The following CCSER1 variants were observed in gnomAD, a reference collection of about 807,000 sequenced individuals.
The protein encoded by CCSER1 is coiled-coil serine rich protein 1, also known as serine-rich coiled-coil domain-containing protein 1.
Under a neutral mutation model 82.0 loss-of-function variants are expected in CCSER1, and 41 were observed. That is an observed-to-expected ratio of 0.50 (90% CI 0.39 to 0.65). CCSER1 has a LOEUF of 0.65. Among genes scored for constraint, CCSER1 ranks in the 30% least tolerant of loss-of-function variants. CCSER1 has a pLI of 0.00. For synonymous variants in CCSER1, 414 were observed against 383.9 expected, an observed-to-expected ratio of 1.08 and a Z score of -0.92; for missense variants, 1,119 against 1,064.2, an observed-to-expected ratio of 1.05 and a Z score of -0.72.
At chr4:91,248,592 TCAAAA>T (rs956382056) in intron 10 of CCSER1, among the ~76,000 whole-genome samples, 3 of 152,060 alleles carry the variant, frequency 2.0e-5, no homozygotes, top group Non-Finnish European at 1.5e-5. Flanking sequence ...ACAGTACCCC[TCAAAA>T]CTATCAAAGT....
At chr4:91,583,672 CCTT>C (rs370037545) in intron 10 of CCSER1, among the ~76,000 whole-genome samples, 34 of 151,474 alleles carry the variant, frequency 2.2e-4, no homozygotes, top group African/African-American at 7.0e-4. Context: ...TGATGTCTTG[CCTT>C]CTTCTTGTGC....
rs559932429 is a variant in CCSER1 at position 91,224,316 on chromosome 4, A to C, written c.2217+138322A>C. 1.2e-4 allele frequency among the ~76,000 whole-genome samples: 18 copies of C among 152,236 alleles called. No individual in the cohort carries two copies. The East Asian group carries it at 3.5e-3, about 29-fold the overall frequency. Reference sequence around the variant, plus strand: ...GCACTTTAACAAGAAGAAAGAAAACAAAATTGTAAGTAAACTGTGGGAGGC... The same window carrying C: ...GCACTTTAACAAGAAGAAAGAAAACCAAATTGTAAGTAAACTGTGGGAGGC... On this transcript the variant is annotated intron_variant, in intron 10 of 10. Transcript: ENST00000509176.
intron 10 of CCSER1, among the ~76,000 whole-genome samples, chr4:91,407,761 C>T (rs1752787548): frequency 6.6e-6 from 1 of 152,168 alleles, no homozygotes; most frequent in East Asian, 1.9e-4. Flanking sequence ...AGTGAGAACT[C>T]ACTCATTACT....
intron 9 of CCSER1, among the ~76,000 whole-genome samples, chr4:90,998,015 G>T (rs1380830298): frequency 1.3e-5 from 2 of 152,010 alleles, no homozygotes; most frequent in African/African-American, 4.8e-5. Flanking sequence ...TTAAATATTT[G>T]CTTAATAATG....
At position 91,601,528 on chromosome 4, in the gene CCSER1, C is replaced by CT; in HGVS notation, c.*2473dup. The CT allele has an allele frequency of 6.6e-6, 1 of 151,914 alleles. No individual in the cohort carries two copies. Among genetic ancestry groups the CT allele is most frequent in the Non-Finnish European group, 1.5e-5 (1 of 67,922 alleles). 9.4% of individuals were successfully genotyped at this position (151,914 alleles called of 1,614,324 possible). A position where few individuals can be genotyped will look rare whatever the true frequency, so the allele number is the denominator to read the frequency against. ...AGTTCCTCTTGTGTATATATAGTAA[C>CT]TTATAACAATGGCATGTGGGCATTC... On this transcript the variant is annotated 3_prime_UTR_variant, in exon 11 of 11. Transcript: ENST00000509176.
intron 7 of CCSER1, among the ~76,000 whole-genome samples, chr4:90,815,517 T>A (rs1278708047): frequency 8.1e-6 from 1 of 123,394 alleles, no homozygotes; most frequent in African/African-American, 2.9e-5. Context: ...AAAACATATG[T>A]GTGTGTGGAT....
intron 10 of CCSER1, among the ~76,000 whole-genome samples, chr4:91,330,244 A>G (rs1746853844): frequency 6.6e-6 from 1 of 152,058 alleles, no homozygotes; most frequent in Non-Finnish European, 1.5e-5. Flanking sequence ...TCTCTTACTT[A>G]TCTTTTATGG....
At chr4:90,490,787 C>A (rs1196391053) in intron 5 of CCSER1, among the ~76,000 whole-genome samples, 2 of 151,896 alleles carry the variant, frequency 1.3e-5, no homozygotes, top group African/African-American at 2.4e-5. Flanking sequence ...GAATCCTTTC[C>A]CTATTTCTTG....
At chr4:90,864,458 T>G (rs953752649) in intron 8 of CCSER1, among the ~76,000 whole-genome samples, 1 of 151,742 alleles carries the variant, frequency 6.6e-6, no homozygotes, top group African/African-American at 2.4e-5. Context: ...ATCTAAAGAG[T>G]AGTTTTCTTA....
intron 9 of CCSER1, among the ~76,000 whole-genome samples, chr4:91,051,156 T>G (rs1742972970): frequency 6.6e-6 from 1 of 152,276 alleles, no homozygotes; most frequent in African/African-American, 2.4e-5. Flanking sequence ...GTATTTGAAG[T>G]ACAGAGCACA....
chr4:91,532,796 G>A (rs1761101329), intron 10 of CCSER1, among the ~76,000 whole-genome samples: 1 of 151,814 alleles, frequency 6.6e-6, no homozygotes, highest in Admixed American at 6.6e-5. Flanking sequence ...CTTGAGTCTG[G>A]GAGGAGGAGG....
chr4:91,596,432 T>A (rs1044103800), intron 10 of CCSER1, among the ~76,000 whole-genome samples: 4 of 152,072 alleles, frequency 2.6e-5, no homozygotes, highest in African/African-American at 9.7e-5. Context: ...TCCACAATAT[T>A]TCATAAGCAG....
intron 10 of CCSER1, among the ~76,000 whole-genome samples, chr4:91,344,182 G>T (rs1457686183): frequency 6.6e-6 from 1 of 152,126 alleles, no homozygotes; most frequent in Non-Finnish European, 1.5e-5. Flanking sequence ...AGGGATCTGA[G>T]AGAGTTTGTT....
chr4:90,284,236 T>C (rs550018294), intron 1 of CCSER1, among the ~76,000 whole-genome samples: 35 of 152,284 alleles, frequency 2.3e-4, no homozygotes, highest in African/African-American at 7.5e-4. Context: ...CCTTGTCATA[T>C]GGGTAGTTTG....
chr4:91,176,063 C>T (rs928091463), intron 10 of CCSER1, among the ~76,000 whole-genome samples: 2 of 152,180 alleles, frequency 1.3e-5, no homozygotes, highest in Non-Finnish European at 2.9e-5. Context: ...TTTCCCAGCA[C>T]CATTTGTTTA....
chr4:90,404,276 A>T (rs1753375322), intron 4 of CCSER1: 1 of 152,154 alleles, frequency 6.6e-6, no homozygotes. Context: ...TGGTCTGGGA[A>T]CCACACCCCC....
chr4:90,637,304 A>G (rs896890255), intron 6 of CCSER1, among the ~76,000 whole-genome samples: 1 of 152,148 alleles, frequency 6.6e-6, no homozygotes, highest in African/African-American at 2.4e-5. Context: ...GCTGGTCAAC[A>G]TGGCAGTTGG....
chr4:90,835,061 G>T (rs1283054271), intron 8 of CCSER1, among the ~76,000 whole-genome samples: 1 of 152,082 alleles, frequency 6.6e-6, no homozygotes, highest in Admixed American at 6.6e-5. Flanking sequence ...TCGCTGGCCT[G>T]GTGGCTCACG....
At chr4:90,480,425 T>C (rs2153597659) in intron 5 of CCSER1, among the ~76,000 whole-genome samples, 1 of 152,344 alleles carries the variant, frequency 6.6e-6, no homozygotes, top group East Asian at 1.9e-4. Context: ...CCATTGCTTT[T>C]GGTGTTTTAG....
Sources: gnomAD v4.1 joint callset for allele counts (sites outside exome capture counted in the v4.1 genomes callset) on GRCh38, gnomAD v4.1.1 for gene constraint, MANE v1.5 for transcripts, NCBI Gene and HGNC (gene_info 2026-07-23, HGNC 2026-07-21) for gene names.